The following PYHIN1 variants were observed in gnomAD, a reference collection of about 807,000 sequenced individuals.
PYHIN1 encodes pyrin and HIN domain-containing protein 1.
A neutral mutation model predicts 43.7 loss-of-function variants in PYHIN1; 32 were observed. That is an observed-to-expected ratio of 0.73 (90% CI 0.55 to 0.98). The LOEUF is 0.98. Ranked by LOEUF, PYHIN1 falls within the 50% of genes least tolerant of loss-of-function variation. The pLI is 0.00. For synonymous variants in PYHIN1, 205 were observed against 203.1 expected (o/e 1.01, Z -0.08); for missense variants, 588 against 589.5 (o/e 1.00, Z 0.03).
the PYHIN1 span, among the ~76,000 whole-genome samples, chr1:158,988,119 A>G: frequency 6.6e-6 from 1 of 152,234 alleles, no homozygotes; most frequent in East Asian, 1.9e-4. Context: ...TCTTGGACTT[A>G]TAGCCTCCAG....
chr1:158,955,591 G>A (rs1296019661), intron 7 of PYHIN1, among the ~76,000 whole-genome samples: 14 of 144,138 alleles, frequency 9.7e-5, no homozygotes, highest in East Asian at 6.1e-4. Flanking sequence ...TCTCTGGGAC[G>A]CATTCAAAGC....
chr1:158,981,461 G>C (rs933340869), downstream of PYHIN1, among the ~76,000 whole-genome samples: 2 of 152,120 alleles, frequency 1.3e-5, no homozygotes, highest in Non-Finnish European at 2.9e-5. Context: ...ACAAGAGCGA[G>C]ACTCTGAATC....
chr1:158,950,485 T>G (rs1262647802), intron 7 of PYHIN1, among the ~76,000 whole-genome samples: 4 of 152,188 alleles, frequency 2.6e-5, no homozygotes, highest in African/African-American at 9.6e-5. Context: ...TGTGTCATGC[T>G]GGAATCCAAA....
chr1:158,942,758 T>C (rs952655511), intron 5 of PYHIN1, among the ~76,000 whole-genome samples: 1 of 152,222 alleles, frequency 6.6e-6, no homozygotes, highest in Non-Finnish European at 1.5e-5. Flanking sequence ...ATCTCAATTG[T>C]AGCAAAAATC....
In PYHIN1 at chr1:158,976,749, A is replaced by G. The variant is rs1651285652; in HGVS notation, c.*54A>G. On this transcript the variant is annotated 3_prime_UTR_variant, in exon 9 of 9. Coordinates refer to ENST00000368140, the MANE Select transcript of PYHIN1 (RefSeq NM_152501.5). ...ATAACTACTGTTCAATCTTTACTCA[A>G]GTGTGGAAATTTTGCCTGAAGTCCT... 3 of 1,599,104 alleles carry G rather than the reference A, an allele frequency of 1.9e-6. No individual in the cohort carries two copies. Among genetic ancestry groups the G allele is most frequent in the Non-Finnish European group, 2.6e-6 (3 of 1,171,406 alleles).
chr1:158,940,352 G>C (rs1204330573), intron 4 of PYHIN1: 1 of 151,880 alleles, frequency 6.6e-6, no homozygotes, highest in East Asian at 1.9e-4. Flanking sequence ...GAGGCCAAAA[G>C]GTTGTAAAAA....
Position 158,933,711 on chromosome 1 carries a change from T to G in PYHIN1, c.-21+1935T>G, listed in dbSNP as rs1288504157. ...CCTACTTGTCTGTTTTTAAAACTTA[T>G]ATTTCCATCTCACCCTTTAAGACAA... On this transcript the variant is annotated intron_variant, in intron 1 of 8. Coordinates refer to ENST00000368140, the MANE Select transcript of PYHIN1 (RefSeq NM_152501.5). The surrounding 1 kb of genome is among the most constrained non-coding windows in gnomAD (Gnocchi z 6.3). 2.0e-5 allele frequency among the ~76,000 whole-genome samples: 3 copies of G among 152,242 alleles called. No homozygotes were observed. Among genetic ancestry groups the G allele is most frequent in the Non-Finnish European group, 4.4e-5 (3 of 67,966 alleles).
At chr1:158,986,781 A>T in the PYHIN1 span, among the ~76,000 whole-genome samples, 286 of 152,272 alleles carry the variant, frequency 1.9e-3, no homozygotes, top group Non-Finnish European at 3.5e-3. Context: ...CACTGCAGCC[A>T]TTCCTGTGCC....
intron 7 of PYHIN1, among the ~76,000 whole-genome samples, chr1:158,950,876 G>A (rs962664213): frequency 8.5e-5 from 13 of 152,130 alleles, no homozygotes; most frequent in Admixed American, 5.9e-4. Context: ...GGCATAAGCT[G>A]GACCATTATC....
intron 7 of PYHIN1, among the ~76,000 whole-genome samples, chr1:158,952,098 G>A (rs1374587188): frequency 1.4e-5 from 2 of 147,300 alleles, no homozygotes; most frequent in African/African-American, 4.9e-5. Flanking sequence ...CGCCGCTTTT[G>A]CCTGTGTCGG....
intron 5 of PYHIN1, 71 bp from the exon 6 acceptor site, chr1:158,943,719 C>A: frequency 8.6e-7 from 1 of 1,164,856 alleles, no homozygotes; most frequent in Non-Finnish European, 1.2e-6. Context: ...TTTAATCTGT[C>A]ACAAGAGACT....
intron 5 of PYHIN1, 38 bp downstream of exon 5, chr1:158,942,437 T>C: frequency 5.4e-6 from 8 of 1,486,264 alleles, no homozygotes; most frequent in Non-Finnish European, 7.2e-6. Flanking sequence ...TTTTCTACAA[T>C]AACACTTGAA....
At chr1:158,952,764 AC>A (rs1287124506) in intron 7 of PYHIN1, among the ~76,000 whole-genome samples, 2 of 152,084 alleles carry the variant, frequency 1.3e-5, no homozygotes, top group African/African-American at 4.8e-5. Flanking sequence ...AGATGGCCGA[AC>A]AGGAATAGCT....
intron 7 of PYHIN1, among the ~76,000 whole-genome samples, chr1:158,951,786 CT>C (rs1338612906): frequency 1.3e-5 from 2 of 152,104 alleles, no homozygotes; most frequent in African/African-American, 4.8e-5. Flanking sequence ...GCAAAGTTTG[CT>C]CTTAATTGCT....
At chr1:158,947,678 T>C (rs1649297829) in intron 7 of PYHIN1, among the ~76,000 whole-genome samples, 2 of 152,204 alleles carry the variant, frequency 1.3e-5, no homozygotes, top group South Asian at 4.1e-4. Context: ...GAAGGTGCTG[T>C]AAAGAGTAGC....
At chr1:158,977,344 A>T (rs1651332839), downstream of PYHIN1, among the ~76,000 whole-genome samples, 1 of 152,036 alleles carries the variant, frequency 6.6e-6, no homozygotes. Context: ...CTGGAGGGGG[A>T]ATAATTGGGT....
intron 7 of PYHIN1, among the ~76,000 whole-genome samples, chr1:158,960,914 A>G (rs1427876352): frequency 6.6e-6 from 1 of 152,180 alleles, no homozygotes; most frequent in African/African-American, 2.4e-5. Context: ...GTTTTTGTCA[A>G]TAAGTGGTAG....
intron 1 of PYHIN1, among the ~76,000 whole-genome samples, chr1:158,934,199 T>G (rs1255574624): frequency 6.6e-6 from 1 of 152,194 alleles, no homozygotes; most frequent in Non-Finnish European, 1.5e-5. Flanking sequence ...GTGTCATTAC[T>G]ACAAAAGCAA....
rs931679817 is a variant in PYHIN1, at chr1:158,933,115, T to C, written c.-21+1339T>C. Among the ~76,000 whole-genome samples, 3 of 151,786 alleles carry C rather than the reference T, an allele frequency of 2.0e-5. No individual in the cohort carries two copies. The highest frequency in any genetic ancestry group is 7.3e-5 in the African/African-American group (3 of 41,322). On this transcript the variant is annotated intron_variant, in intron 1 of 8. Transcript: ENST00000368140. The surrounding 1 kb of genome is among the most constrained non-coding windows in gnomAD (Gnocchi z 6.3). Reference sequence around the variant, plus strand: ...CCTATTATAAGACGGTATTTTCTTGTACTCCTCTCAAATTCATATATATAA... The same window carrying C: ...CCTATTATAAGACGGTATTTTCTTGCACTCCTCTCAAATTCATATATATAA...
Sources: gnomAD v4.1 joint callset for allele counts (sites outside exome capture counted in the v4.1 genomes callset) on GRCh38, gnomAD v4.1.1 for gene constraint, Gnocchi (gnomAD v3.1) non-coding constraint, MANE v1.5 for transcripts, NCBI Gene and HGNC (gene_info 2026-07-23, HGNC 2026-07-21) for gene names.